The following ARHGAP29 variants were observed in gnomAD, a reference collection of about 807,000 sequenced individuals.
ARHGAP29 encodes rho GTPase-activating protein 29.
In ARHGAP29, 43 loss-of-function variants were observed where a neutral mutation model predicts 122.6. The ratio of observed to expected loss-of-function variants is 0.35; its 90% confidence interval spans 0.27 to 0.45. ARHGAP29 has a LOEUF of 0.45. Among genes scored for constraint, ARHGAP29 ranks in the 20% least tolerant of loss-of-function variants. The pLI, the probability that ARHGAP29 is intolerant of heterozygous loss-of-function variation, is 1.00. For synonymous variants in ARHGAP29, 506 were observed against 497.1 expected, an observed-to-expected ratio of 1.02 and a Z score of -0.24; for missense variants, 1,303 against 1,477.2, an observed-to-expected ratio of 0.88 and a Z score of 1.93.
intron 11 of ARHGAP29, chr1:94,202,219 T>TAC (rs147292847): frequency 9.6e-6 from 5 of 519,812 alleles, no homozygotes; most frequent in Non-Finnish European, 1.3e-5. Flanking sequence ...TTAGTACACA[T>TAC]ACACACACAC....
intron 20 of ARHGAP29, 88 bp from the exon 21 acceptor site, chr1:94,178,255 G>A (rs888423743): frequency 7.8e-7 from 1 of 1,284,806 alleles, no homozygotes; most frequent in South Asian, 1.5e-5. Context: ...AGGGTGGAGG[G>A]AAAATGAGCT....
intron 12 of ARHGAP29, among the ~76,000 whole-genome samples, chr1:94,196,256 CTTTTTTTTTTTT>C (rs917635883): frequency 5.5e-5 from 5 of 91,150 alleles, no homozygotes; most frequent in East Asian, 4.3e-4. Context: ...CCGTGTTTTT[CTTTTTTTTTTTT>C]TTTTTTTTTT....
At chr1:94,202,086 T>C (rs1260484249) in intron 11 of ARHGAP29, 3 of 454,562 alleles carry the variant, frequency 6.6e-6, no homozygotes, top group Non-Finnish European at 1.1e-5. Context: ...TTTGCTTCTA[T>C]TTGAAATAGC....
rs1376395964 is a variant in ARHGAP29 at position 94,271,524 on chromosome 1, A to T, written c.-33+3488T>A. 3.3e-5 allele frequency among the ~76,000 whole-genome samples: 5 copies of T among 152,190 alleles called. No individual in the cohort carries two copies. The East Asian group carries it at 9.6e-4, about 29-fold the overall frequency. On this transcript the variant is annotated intron_variant and NMD_transcript_variant, in intron 1 of 25. Transcript: ENST00000552844. ...GTAAGAGAAGATTATTAGGAGCCAGATTAGAAACTGTCTACCACAAAACAG... is the reference window on the plus strand; with the variant it reads ...GTAAGAGAAGATTATTAGGAGCCAGTTTAGAAACTGTCTACCACAAAACAG...
At chr1:94,246,392 A>G (rs1194139748) in intron 1 of ARHGAP29, among the ~76,000 whole-genome samples, 1 of 152,220 alleles carries the variant, frequency 6.6e-6, no homozygotes, top group Non-Finnish European at 1.5e-5. Flanking sequence ...TCCTCTCCCA[A>G]ACTGAATGAG....
chr1:94,236,325 C>A (rs1653254403), intron 1 of ARHGAP29, among the ~76,000 whole-genome samples: 1 of 152,224 alleles, frequency 6.6e-6, no homozygotes, highest in South Asian at 2.1e-4. Context: ...TCTAGCATTC[C>A]TGGCAGGCAG....
At chr1:94,205,528 T>G (rs182980269) in intron 6 of ARHGAP29, 107 bp downstream of exon 6, 52 of 1,071,564 alleles carry the variant, frequency 4.9e-5, no homozygotes, top group Non-Finnish European at 6.9e-5. Context: ...CATTTTGCAT[T>G]AAAAATGAAT....
chr1:94,202,225 C>CA, intron 11 of ARHGAP29: 1 of 534,434 alleles, frequency 1.9e-6, no homozygotes, highest in Middle Eastern at 4.8e-4. Context: ...CACATACACA[C>CA]ACACACTTGC....
chr1:94,205,764 T>C, intron 5 of ARHGAP29, 81 bp from the exon 6 acceptor site: 1 of 1,190,958 alleles, frequency 8.4e-7, no homozygotes, highest in Non-Finnish European at 1.2e-6. Flanking sequence ...CCCAATTTGT[T>C]ACTCTGACAT....
intron 5 of ARHGAP29, among the ~76,000 whole-genome samples, chr1:94,205,903 C>A (rs1167390077): frequency 1.3e-5 from 2 of 152,158 alleles, no homozygotes. Flanking sequence ...GAATGAACAA[C>A]CTCACTGTTG....
At chr1:94,265,288 G>A (rs1259897860) in intron 1 of ARHGAP29, among the ~76,000 whole-genome samples, 1 of 152,216 alleles carries the variant, frequency 6.6e-6, no homozygotes, top group Non-Finnish European at 1.5e-5. Context: ...ACCGGGTCTG[G>A]CTTCCCTGTG....
chr1:94,217,813 C>T (rs1666727963), intron 3 of ARHGAP29, among the ~76,000 whole-genome samples: 1 of 151,680 alleles, frequency 6.6e-6, no homozygotes, highest in Admixed American at 6.6e-5. Context: ...CATGCTACTG[C>T]ACTGCAGCCT....
At chr1:94,244,236 A>C (rs950175747) in intron 1 of ARHGAP29, among the ~76,000 whole-genome samples, 2 of 143,004 alleles carry the variant, frequency 1.4e-5, no homozygotes, top group Non-Finnish European at 1.6e-5. Context: ...AAAAAACAAA[A>C]ACACACACAA....
At chr1:94,263,881 A>T (rs1654654610) in intron 1 of ARHGAP29, among the ~76,000 whole-genome samples, 1 of 152,160 alleles carries the variant, frequency 6.6e-6, no homozygotes, top group Non-Finnish European at 1.5e-5. Flanking sequence ...GCCACATAAT[A>T]GTTCATCTTC....
chr1:94,284,906 G>A, the ARHGAP29 span, among the ~76,000 whole-genome samples: 1 of 152,172 alleles, frequency 6.6e-6, no homozygotes, highest in African/African-American at 2.4e-5. Flanking sequence ...TGGTTGCCCA[G>A]CATTGAACAC....
chr1:94,190,704 A>C (rs150149043), intron 12 of ARHGAP29: 1 of 152,170 alleles, frequency 6.6e-6, no homozygotes, highest in Admixed American at 6.6e-5. Context: ...GTCTTACATG[A>C]ATACACTAAT....
At chr1:94,299,127 T>C in the ARHGAP29 span, among the ~76,000 whole-genome samples, 1 of 151,770 alleles carries the variant, frequency 6.6e-6, no homozygotes, top group East Asian at 1.9e-4. Flanking sequence ...TACATAATCC[T>C]GCAGTATTAA....
chr1:94,194,232 T>C (rs1650304969), intron 12 of ARHGAP29: 1 of 152,242 alleles, frequency 6.6e-6, no homozygotes, highest in African/African-American at 2.4e-5. Flanking sequence ...CCACATTAAA[T>C]GCTCGGCTTC....
At chr1:94,243,548 T>C (rs575019972) in intron 1 of ARHGAP29, among the ~76,000 whole-genome samples, 13 of 151,992 alleles carry the variant, frequency 8.6e-5, no homozygotes, top group Non-Finnish European at 1.8e-4. Flanking sequence ...GTAAAAGTCA[T>C]GGTTAGATAA....
Sources: gnomAD v4.1 joint callset for allele counts (sites outside exome capture counted in the v4.1 genomes callset) on GRCh38, gnomAD v4.1.1 for gene constraint, MANE v1.5 for transcripts, NCBI Gene and HGNC (gene_info 2026-07-23, HGNC 2026-07-21) for gene names.